GFRAL: variants seen among roughly 807,000 people sequenced by gnomAD.
The protein encoded by GFRAL is GDNF family receptor alpha like.
In GFRAL, 36 loss-of-function variants were observed where a neutral mutation model predicts 45.4. The ratio of observed to expected loss-of-function variants is 0.79; its 90% CI spans 0.61 to 1.05. The LOEUF (loss-of-function observed/expected upper bound fraction) is 1.05, where lower values mean the gene tolerates loss of function less well. GFRAL is among the 50% of genes least tolerant of loss of function. The pLI is 0.00. For synonymous variants in GFRAL, 166 were observed against 154.1 expected, an observed-to-expected ratio of 1.08 and a Z score of -0.57; for missense variants, 507 against 467.5, an observed-to-expected ratio of 1.08 and a Z score of -0.78.
chr6:55,363,853 T>A (rs1768315170), intron 6 of GFRAL, among the ~76,000 whole-genome samples: 1 of 151,456 alleles, frequency 6.6e-6, no homozygotes, highest in African/African-American at 2.4e-5. Flanking sequence ...GACATTTGGG[T>A]TGGTTCCAAG....
chr6:55,331,874 T>C (rs781771539), intron 2 of GFRAL, 25 bp downstream of exon 2: 2 of 1,585,190 alleles, frequency 1.3e-6, no homozygotes, highest in Non-Finnish European at 1.7e-6. Flanking sequence ...AAAAATACAC[T>C]CAAATGATTT....
chr6:55,382,964 A>G (rs889687494), intron 6 of GFRAL, among the ~76,000 whole-genome samples: 7 of 152,032 alleles, frequency 4.6e-5, no homozygotes, highest in African/African-American at 1.7e-4. Context: ...TTGAATAATT[A>G]TGATGTTAAA....
chr6:55,338,960 C>T (rs1043686536), intron 3 of GFRAL, among the ~76,000 whole-genome samples: 5 of 151,804 alleles, frequency 3.3e-5, no homozygotes, highest in Admixed American at 2.0e-4. Flanking sequence ...CAGGCAATAA[C>T]GTAGAGAGGA....
chr6:55,331,454 T>C (rs891812148), intron 1 of GFRAL, among the ~76,000 whole-genome samples: 4 of 152,086 alleles, frequency 2.6e-5, no homozygotes, highest in Non-Finnish European at 4.4e-5. Flanking sequence ...AATGGAATAA[T>C]AGTAATAAAA....
intron 6 of GFRAL, among the ~76,000 whole-genome samples, chr6:55,390,101 C>G (rs1207605020): frequency 6.6e-6 from 1 of 152,238 alleles, no homozygotes. Flanking sequence ...TCAACGCTCT[C>G]CTGACCTTTC....
intron 3 of GFRAL, among the ~76,000 whole-genome samples, chr6:55,341,944 G>C (rs115880691): frequency 0.014 from 1,987 of 147,068 alleles, 23 homozygotes; most frequent in Non-Finnish European, 0.022. Flanking sequence ...TTAAACAAAT[G>C]AAAGGAAGCG....
intron 6 of GFRAL, among the ~76,000 whole-genome samples, chr6:55,391,485 T>C (rs1768753063): frequency 6.6e-6 from 1 of 152,226 alleles, no homozygotes; most frequent in Non-Finnish European, 1.5e-5. Flanking sequence ...ACATAGTGGC[T>C]CATCCATGTA....
intron 3 of GFRAL, among the ~76,000 whole-genome samples, chr6:55,338,953 G>A (rs1767925703): frequency 1.3e-5 from 2 of 152,066 alleles, no homozygotes; most frequent in African/African-American, 4.8e-5. Flanking sequence ...GTTATCACAG[G>A]CAATAACGTA....
In GFRAL at chr6:55,331,595, T is replaced by C. The variant is rs1767830093; in HGVS notation, c.23-120T>C. ...GAGGAGGTTAAGGTTATTCCCACCATCAATTATTTCACTACATGTTATTTT... is the reference window on the plus strand; with the variant it reads ...GAGGAGGTTAAGGTTATTCCCACCACCAATTATTTCACTACATGTTATTTT... On this transcript the variant is annotated intron_variant, in intron 1 of 8. Coordinates refer to ENST00000340465, the MANE Select transcript of GFRAL (RefSeq NM_207410.2). The C allele has an allele frequency of 5.3e-6, 4 of 758,754 alleles. No individual in the cohort carries two copies. In the South Asian group the frequency reaches 8.9e-5, roughly 17 times the overall value. 47.0% of individuals were successfully genotyped at this position (758,754 alleles called of 1,614,324 possible).
Position 55,401,806 on chromosome 6 carries a change from A to G in GFRAL, c.1138A>G (p.Ser380Gly), listed in dbSNP as rs755288851. ...TTTATACAGAACTTCCAGAATATCA[A>G]GTAAAGCAAGAGATCCTTCATCGAT... Reference protein sequence around the residue: ...MVKLRTSRISSKARDPSSIQI... With the variant: ...MVKLRTSRISGKARDPSSIQI... Residue 380 changes from serine to glycine, a missense_variant, in exon 9 of 9, where the codon AGT (serine) becomes GGT (glycine). Coordinates refer to ENST00000340465, the MANE Select transcript of GFRAL (RefSeq NM_207410.2). 3 of 1,534,770 alleles carry G rather than the reference A, an allele frequency of 2.0e-6. No homozygotes were observed. Among genetic ancestry groups the G allele is most frequent in the South Asian group, 1.1e-5 (1 of 89,560 alleles).
Position 55,401,832 on chromosome 6 carries a change from C to A in GFRAL, c.1164C>A (p.Ile388=). The A allele has an allele frequency of 6.5e-7, 1 of 1,538,436 alleles. No homozygotes were observed. Among genetic ancestry groups the A allele is most frequent in the Non-Finnish European group, 9.0e-7 (1 of 1,110,580 alleles). Residue 388 remains isoleucine (I), a synonymous_variant, in exon 9 of 9, where the codon ATC becomes ATA. Coordinates refer to ENST00000340465, the MANE Select transcript of GFRAL (RefSeq NM_207410.2). Reference sequence around the variant, plus strand: ...GTAAAGCAAGAGATCCTTCATCGATCCAAATACCTGGAGAACTCTGATTCA... The same window carrying A: ...GTAAAGCAAGAGATCCTTCATCGATACAAATACCTGGAGAACTCTGATTCA... ...ISSKARDPSS[I]QIPGEL
intron 6 of GFRAL, among the ~76,000 whole-genome samples, chr6:55,396,769 T>C (rs76184222): frequency 0.04 from 6,084 of 152,176 alleles, 164 homozygotes; most frequent in African/African-American, 0.063. Flanking sequence ...TTATAGTGAA[T>C]ATAAAAGTAA....
chr6:55,328,143 GACTT>G (rs1222171237), intron 1 of GFRAL, among the ~76,000 whole-genome samples: 1 of 151,796 alleles, frequency 6.6e-6, no homozygotes, highest in Non-Finnish European at 1.5e-5. Flanking sequence ...CTCAAGTGTG[GACTT>G]ACTTCTCTTG....
chr6:55,348,154 TTTTA>T (rs1446387546), intron 3 of GFRAL, among the ~76,000 whole-genome samples: 2 of 152,098 alleles, frequency 1.3e-5, no homozygotes, highest in Non-Finnish European at 1.5e-5. Context: ...TGGTGAATAC[TTTTA>T]TTTGTTTCCT....
intron 5 of GFRAL, among the ~76,000 whole-genome samples, chr6:55,352,144 T>C (rs1473844420): frequency 6.6e-6 from 1 of 152,112 alleles, no homozygotes. Flanking sequence ...ACAAGCTACA[T>C]GGAGTTCCCA....
intron 3 of GFRAL, among the ~76,000 whole-genome samples, chr6:55,336,621 AT>A (rs1157057346): frequency 1.3e-5 from 2 of 152,054 alleles, no homozygotes; most frequent in Non-Finnish European, 2.9e-5. Context: ...CAATTATTCT[AT>A]TTTTTTGTAG....
At position 55,399,867 on chromosome 6, in the gene GFRAL, T is replaced by C. The variant is rs535998929; in HGVS notation, c.1121+426T>C. Among the ~76,000 whole-genome samples, 9 of 152,282 alleles carry C rather than the reference T, an allele frequency of 5.9e-5. No individual in the cohort carries two copies. The South Asian group carries it at 1.9e-3, about 32-fold the overall frequency. The stretch of plus-strand genomic sequence containing the variant: ...ATGTATTCTTCACTCTAATATCTTA[T>C]ATGCTAATACATTTTATTCATTTTT... On this transcript the variant is annotated intron_variant, in intron 8 of 8. Coordinates refer to ENST00000340465, the MANE Select transcript of GFRAL (RefSeq NM_207410.2).
chr6:55,391,256 G>A (rs577807486), intron 6 of GFRAL, among the ~76,000 whole-genome samples: 8 of 152,016 alleles, frequency 5.3e-5, no homozygotes, highest in African/African-American at 1.2e-4. Flanking sequence ...AAAACATCAC[G>A]TCACCTTAAG....
intron 6 of GFRAL, among the ~76,000 whole-genome samples, chr6:55,359,778 T>A (rs969555217): frequency 3.9e-5 from 6 of 152,026 alleles, no homozygotes; most frequent in African/African-American, 1.4e-4. Context: ...CTGTCTAGTA[T>A]CTGCTACTGT....
Sources: allele counts gnomAD v4.1 joint callset (sites outside exome capture counted in the v4.1 genomes callset), GRCh38; gene constraint gnomAD v4.1.1; transcripts MANE v1.5; gene names NCBI Gene and HGNC (gene_info 2026-07-23, HGNC 2026-07-21).